The following BNC2 variants were observed in gnomAD, a reference collection of about 807,000 sequenced individuals.
BNC2 encodes the protein zinc finger protein basonuclin-2.
Under a neutral mutation model 76.3 loss-of-function variants are expected in BNC2, and 20 were observed. The ratio of observed to expected loss-of-function variants is 0.26; its 90% CI spans 0.18 to 0.38. The LOEUF is 0.38. BNC2 is among the 10% of genes least tolerant of loss of function. The pLI, the probability that BNC2 is intolerant of heterozygous loss-of-function variation, is 1.00. For missense variants in BNC2, 1,382 were observed against 1,399.8 expected (o/e 0.99, Z 0.20); for synonymous variants, 582 against 514.8 (o/e 1.13, Z -1.77).
intron 4 of BNC2, among the ~76,000 whole-genome samples, chr9:16,576,988 G>A (rs772739848): frequency 2.6e-5 from 4 of 152,058 alleles, no homozygotes; most frequent in Non-Finnish European, 4.4e-5. Flanking sequence ...CACCTGCCTC[G>A]GCCTCCCAAA....
intron 3 of BNC2, among the ~76,000 whole-genome samples, chr9:16,640,062 T>C (rs544524423): frequency 2.0e-5 from 3 of 151,380 alleles, no homozygotes; most frequent in South Asian, 4.2e-4. Flanking sequence ...AGATTATAAA[T>C]AAAACGTAGT....
intron 5 of BNC2, among the ~76,000 whole-genome samples, chr9:16,461,513 C>A (rs1304091578): frequency 1.3e-5 from 2 of 151,148 alleles, no homozygotes; most frequent in African/African-American, 4.9e-5. Context: ...TAAGTGAGGC[C>A]TCACAGATAC....
chr9:16,437,239 G>C lies in BNC2; in HGVS notation c.955C>G (p.Leu319Val), dbSNP rs1406471202. The stretch of plus-strand genomic sequence containing the variant: ...TACTGGAATGGAAGCAGAAATGCAA[G>C]GCTGTTTGGGATGTTTTCGAAGTGA... ...IHHFENIPNS[L>V]AFLLPFQYIN... The change falls in exon 6 of 7, where the codon CTT becomes GTT. Residue 319 changes from leucine to valine, a missense_variant. Transcript: ENST00000380672. 6.2e-7 allele frequency: 1 copy of C among 1,614,066 alleles called. No individual in the cohort carries two copies. The highest frequency in any genetic ancestry group is 8.5e-7 in the Non-Finnish European group (1 of 1,180,042).
At position 16,495,292 on chromosome 9, in the gene BNC2, C is replaced by A. The variant is rs192158126; in HGVS notation, c.669+57238G>T. 1.5e-4 allele frequency among the ~76,000 whole-genome samples: 23 copies of A among 152,240 alleles called. No homozygotes were observed. In the East Asian group the frequency reaches 4.4e-3, roughly 29 times the overall value. On this transcript the variant is annotated intron_variant, in intron 5 of 6. Coordinates refer to ENST00000380672, the MANE Select transcript of BNC2 (RefSeq NM_017637.6). ...GAAAAAAATCAACAGCAAATATTCC[C>A]AGATATTATTTAAATTCGACATAAA...
At chr9:16,513,229 C>G (rs1490684739) in intron 5 of BNC2, among the ~76,000 whole-genome samples, 1 of 150,746 alleles carries the variant, frequency 6.6e-6, no homozygotes, top group Non-Finnish European at 1.5e-5. Flanking sequence ...ATTTTCCCCT[C>G]AAAATGTGAA....
chr9:16,821,396 A>C (rs1463926067), intron 1 of BNC2, among the ~76,000 whole-genome samples: 1 of 152,196 alleles, frequency 6.6e-6, no homozygotes, highest in African/African-American at 2.4e-5. Flanking sequence ...TGTTTGCTTT[A>C]ATAACTTAAT....
intron 2 of BNC2, among the ~76,000 whole-genome samples, chr9:16,730,246 T>C (rs1445844774): frequency 6.6e-6 from 1 of 152,200 alleles, no homozygotes; most frequent in Non-Finnish European, 1.5e-5. Flanking sequence ...TATAATTAAC[T>C]AGAGGCTCAG....
intron 1 of BNC2, among the ~76,000 whole-genome samples, chr9:16,865,795 G>T (rs180878656): frequency 6.6e-6 from 1 of 152,224 alleles, no homozygotes; most frequent in East Asian, 1.9e-4. Flanking sequence ...TACGCATATT[G>T]AGTTAGAATA....
chr9:16,622,051 A>G (rs895615491), intron 3 of BNC2, among the ~76,000 whole-genome samples: 6 of 152,218 alleles, frequency 3.9e-5, no homozygotes, highest in East Asian at 3.9e-4. Context: ...GTCCATTTCA[A>G]TCTCTTGTTG....
At chr9:16,843,097 T>C (rs1362289893) in intron 1 of BNC2, among the ~76,000 whole-genome samples, 1 of 152,214 alleles carries the variant, frequency 6.6e-6, no homozygotes, top group Non-Finnish European at 1.5e-5. Context: ...GTAAATCTTA[T>C]CTGTTTTTTA....
At chr9:16,620,207 T>G (rs539829155) in intron 3 of BNC2, among the ~76,000 whole-genome samples, 2 of 152,274 alleles carry the variant, frequency 1.3e-5, no homozygotes, top group African/African-American at 4.8e-5. Flanking sequence ...GAAAAAATCA[T>G]TCTGAATTCC....
intron 5 of BNC2, among the ~76,000 whole-genome samples, chr9:16,489,354 G>C (rs1243507675): frequency 6.6e-6 from 1 of 152,108 alleles, no homozygotes; most frequent in Non-Finnish European, 1.5e-5. Flanking sequence ...GTGGCTAGTG[G>C]CTACTGTGCT....
At chr9:16,561,138 C>G (rs1021120116) in intron 4 of BNC2, among the ~76,000 whole-genome samples, 1 of 151,912 alleles carries the variant, frequency 6.6e-6, no homozygotes, top group African/African-American at 2.4e-5. Flanking sequence ...ACTCAGGAGG[C>G]TGAGATAGGA....
intron 6 of BNC2, among the ~76,000 whole-genome samples, chr9:16,433,365 T>C (rs1820942457): frequency 6.6e-6 from 1 of 152,226 alleles, no homozygotes; most frequent in South Asian, 2.1e-4. Flanking sequence ...CTGGGCATAC[T>C]GTGATTTCAG....
chr9:16,517,734 T>C (rs752418221), intron 5 of BNC2, among the ~76,000 whole-genome samples: 11 of 152,192 alleles, frequency 7.2e-5, no homozygotes, highest in Non-Finnish European at 1.6e-4. Context: ...CATTTCATTT[T>C]TGAAAGGAAA....
chr9:16,529,768 T>C (rs950801302), intron 5 of BNC2, among the ~76,000 whole-genome samples: 1 of 152,202 alleles, frequency 6.6e-6, no homozygotes, highest in African/African-American at 2.4e-5. Flanking sequence ...CAACCTTCTA[T>C]GAATACCTGA....
chr9:16,773,817 C>T (rs1825892107), intron 1 of BNC2, among the ~76,000 whole-genome samples: 1 of 152,026 alleles, frequency 6.6e-6, no homozygotes, highest in South Asian at 2.1e-4. Flanking sequence ...AGCCTTTTTC[C>T]CTTTGCGCAT....
At chr9:16,678,593 C>T (rs1304707105) in intron 3 of BNC2, among the ~76,000 whole-genome samples, 1 of 151,628 alleles carries the variant, frequency 6.6e-6, no homozygotes, top group East Asian at 1.9e-4. Context: ...GAGGTATTAC[C>T]TACCTCTCCA....
At chr9:16,440,676 G>A (rs539644380) in intron 5 of BNC2, among the ~76,000 whole-genome samples, 11 of 152,128 alleles carry the variant, frequency 7.2e-5, no homozygotes, top group Non-Finnish European at 1.3e-4. Context: ...CTACAGTACA[G>A]AGCAGTCCCA....
Sources: gnomAD v4.1 joint callset for allele counts (sites outside exome capture counted in the v4.1 genomes callset) on GRCh38, gnomAD v4.1.1 for gene constraint, MANE v1.5 for transcripts, NCBI Gene and HGNC (gene_info 2026-07-23, HGNC 2026-07-21) for gene names.